The following WDR72 variants were observed in gnomAD, a reference collection of about 807,000 sequenced individuals.
WDR72 encodes the protein WD repeat-containing protein 72.
A neutral mutation model predicts 124.2 loss-of-function variants in WDR72; 120 were observed. The ratio of observed to expected loss-of-function variants is 0.97; its 90% CI spans 0.83 to 1.12. WDR72 has a LOEUF of 1.12. Among genes scored for constraint, WDR72 ranks in the 50% most tolerant of loss-of-function variants. WDR72 has a pLI of 0.00. For missense variants in WDR72, 1,387 were observed against 1,278.8 expected, an observed-to-expected ratio of 1.08 and a Z score of -1.29; for synonymous variants, 452 against 441.7, an observed-to-expected ratio of 1.02 and a Z score of -0.29.
At chr15:53,581,214 C>T (rs1020153736) in intron 18 of WDR72, among the ~76,000 whole-genome samples, 2 of 151,992 alleles carry the variant, frequency 1.3e-5, no homozygotes, top group African/African-American at 4.8e-5. Context: ...ATTCTGTATG[C>T]AAGTGCTATG....
At position 53,722,905 on chromosome 15, in the gene WDR72, A is replaced by G; in HGVS notation, c.157T>C (p.Ser53Pro). The change falls in exon 3 of 20, where the codon TCA becomes CCA. Residue 53 changes from serine to proline, a missense_variant. Ser to Pro is a moderately conservative substitution (Grantham distance 74, BLOSUM62 -1). Coordinates refer to ENST00000360509, the MANE Select transcript of WDR72 (RefSeq NM_182758.4). ...LWNLSHELKI[S>P]AKELLFGHSA... ...TGACCAAATAGGAGTTCTTTCGCTG[A>G]AATCTGAAAATAATGAGAGTGAGCT... 1 of 1,613,856 alleles carries G rather than the reference A, an allele frequency of 6.2e-7. No homozygotes were observed.
chr15:53,537,017 T>C (rs1174199647), intron 18 of WDR72, among the ~76,000 whole-genome samples: 1 of 152,192 alleles, frequency 6.6e-6, no homozygotes, highest in Non-Finnish European at 1.5e-5. Context: ...AGCACCATCA[T>C]CACCTTTTTT....
At chr15:53,533,459 C>G (rs1892593454) in intron 18 of WDR72, among the ~76,000 whole-genome samples, 1 of 152,150 alleles carries the variant, frequency 6.6e-6, no homozygotes, top group Middle Eastern at 3.4e-3. Context: ...ATCTTTCCCT[C>G]CAGCCATTCT....
At chr15:53,734,806 A>T (rs2018302205) in intron 1 of WDR72, among the ~76,000 whole-genome samples, 1 of 3,534 alleles carries the variant, frequency 2.8e-4, no homozygotes, top group African/African-American at 4.4e-4. Context: ...ATGGGTTGGG[A>T]CTAAAAAAAA....
chr15:53,614,045 A>G (rs554675289), intron 15 of WDR72, among the ~76,000 whole-genome samples: 1 of 152,204 alleles, frequency 6.6e-6, no homozygotes, highest in Admixed American at 6.6e-5. Context: ...TGTTTACAAG[A>G]CAGGCTTTGC....
chr15:53,592,540 C>A (rs1737067253), intron 18 of WDR72, among the ~76,000 whole-genome samples: 1 of 152,034 alleles, frequency 6.6e-6, no homozygotes, highest in Non-Finnish European at 1.5e-5. Flanking sequence ...AAACAAAAAA[C>A]ACATTTTTAT....
In WDR72 at chr15:53,616,228, A is replaced by C. The variant is rs769227048; in HGVS notation, c.1978T>G (p.Phe660Val). 6.2e-7 allele frequency: 1 copy of C among 1,601,332 alleles called. No homozygotes were observed. The highest frequency in any genetic ancestry group is 1.1e-5 in the South Asian group (1 of 90,950). The change falls in exon 15 of 20, where the codon TTT becomes GTT. Residue 660 changes from phenylalanine to valine, a missense_variant. Transcript: ENST00000360509. ...ESSCKVTDAK[F>V]CPRPFNVLPV... ...AAGACATTAAAAGGTCTTGGGCAAA[A>C]TTTGGCATCAGTAACCTAAGGGAAC...
intron 18 of WDR72, among the ~76,000 whole-genome samples, chr15:53,587,398 CAG>C (rs1215744205): frequency 6.6e-6 from 1 of 151,982 alleles, no homozygotes; most frequent in Non-Finnish European, 1.5e-5. Flanking sequence ...ACCACACACA[CAG>C]ATATATGCAT....
In WDR72 at chr15:53,723,132, T is replaced by A. The variant is rs533244950; in HGVS notation, c.154-224A>T. Among the ~76,000 whole-genome samples, 10 of 151,054 alleles carry A rather than the reference T, an allele frequency of 6.6e-5. No homozygotes were observed. In the South Asian group the frequency reaches 2.1e-3, roughly 31 times the overall value. Reference sequence around the variant, plus strand: ...TTTGTTTGTTTTGGTTTGGTGTCCATCATGAAACCTCCATGACTGCCAGCC... The same window carrying A: ...TTTGTTTGTTTTGGTTTGGTGTCCAACATGAAACCTCCATGACTGCCAGCC... On this transcript the variant is annotated intron_variant, in intron 2 of 19. Coordinates refer to ENST00000360509, the MANE Select transcript of WDR72 (RefSeq NM_182758.4).
intron 18 of WDR72, among the ~76,000 whole-genome samples, chr15:53,552,799 A>C (rs2140281822): frequency 6.6e-6 from 1 of 152,260 alleles, no homozygotes; most frequent in East Asian, 1.9e-4. Flanking sequence ...CCAGAAGCAA[A>C]TATTAACCAG....
chr15:53,617,207 T>TC (rs2013802181), intron 14 of WDR72, among the ~76,000 whole-genome samples: 3 of 151,806 alleles, frequency 2.0e-5, no homozygotes, highest in Non-Finnish European at 4.4e-5. Flanking sequence ...CGTACAAATA[T>TC]ATAGGTATTT....
At chr15:53,539,974 G>T (rs1892983331) in intron 18 of WDR72, among the ~76,000 whole-genome samples, 1 of 152,142 alleles carries the variant, frequency 6.6e-6, no homozygotes, top group African/African-American at 2.4e-5. Context: ...TTAAAAAGCA[G>T]TGGTCACAAT....
rs1440178177 is a variant in WDR72, at chr15:53,517,637, C to A, written c.*62G>T. ...AACAATGCTTTTATACAGTAATAAACAAATGGCATCTTTTGGATTTCTTAA... is the reference window on the plus strand; with the variant it reads ...AACAATGCTTTTATACAGTAATAAAAAAATGGCATCTTTTGGATTTCTTAA... On this transcript the variant is annotated 3_prime_UTR_variant, in exon 20 of 20. Coordinates refer to ENST00000360509, the MANE Select transcript of WDR72 (RefSeq NM_182758.4). 3 of 1,550,908 alleles carry A rather than the reference C, an allele frequency of 1.9e-6. No homozygotes were observed. The highest frequency in any genetic ancestry group is 2.7e-6 in the Non-Finnish European group (3 of 1,123,152).
At chr15:53,576,786 A>G (rs999166754) in intron 18 of WDR72, among the ~76,000 whole-genome samples, 3 of 152,144 alleles carry the variant, frequency 2.0e-5, no homozygotes, top group Non-Finnish European at 4.4e-5. Flanking sequence ...ACTAGCTGCT[A>G]TCAGCTCCAG....
At chr15:53,706,102 G>A (rs772246358) in intron 9 of WDR72, 28 bp from the exon 10 acceptor site, 1 of 1,612,842 alleles carries the variant, frequency 6.2e-7, no homozygotes, top group Non-Finnish European at 8.5e-7. Context: ...TTTTATGTAG[G>A]AAATATTCTA....
At chr15:53,606,406 C>T (rs1486330903) in intron 17 of WDR72, among the ~76,000 whole-genome samples, 1 of 152,112 alleles carries the variant, frequency 6.6e-6, no homozygotes, top group Non-Finnish European at 1.5e-5. Context: ...TGCATAGCTA[C>T]TCATTCACTC....
chr15:53,616,318 C>T, intron 14 of WDR72, 75 bp from the exon 15 acceptor site: 1 of 1,339,292 alleles, frequency 7.5e-7, no homozygotes, highest in Admixed American at 1.8e-5. Flanking sequence ...GTTAAAGTGG[C>T]ATTTTTAAAA....
chr15:53,651,451 G>A (rs1308021994), intron 14 of WDR72, among the ~76,000 whole-genome samples: 2 of 152,330 alleles, frequency 1.3e-5, no homozygotes, highest in South Asian at 4.1e-4. Context: ...CTTGTATCAA[G>A]AAGAGTGCCT....
intron 14 of WDR72, among the ~76,000 whole-genome samples, chr15:53,654,307 AC>A (rs1263591210): frequency 6.6e-6 from 1 of 152,228 alleles, no homozygotes; most frequent in African/African-American, 2.4e-5. Context: ...GTCCCATTAT[AC>A]TTCATGATTT....
Sources: gnomAD v4.1 joint callset for allele counts (sites outside exome capture counted in the v4.1 genomes callset) on GRCh38, gnomAD v4.1.1 for gene constraint, MANE v1.5 for transcripts, NCBI Gene and HGNC (gene_info 2026-07-23, HGNC 2026-07-21) for gene names.